BICD1: variants seen among roughly 807,000 people sequenced by gnomAD.
BICD1 encodes BICD cargo adaptor 1.
Under a neutral mutation model 92.5 loss-of-function variants are expected in BICD1, and 35 were observed. The observed-to-expected ratio is 0.38, with a 90% confidence interval of 0.29 to 0.50. BICD1 has a LOEUF of 0.50. Among genes scored for constraint, BICD1 ranks in the 20% least tolerant of loss-of-function variants. The pLI, the probability that BICD1 is intolerant of heterozygous loss-of-function variation, is 0.93. For synonymous variants in BICD1, 429 were observed against 465.1 expected (o/e 0.92, Z 1.00); for missense variants, 950 against 1,189.8 (o/e 0.80, Z 2.97).
intron 2 of BICD1, among the ~76,000 whole-genome samples, chr12:32,222,215 A>G (rs1945553230): frequency 6.6e-6 from 1 of 152,266 alleles, no homozygotes; most frequent in Admixed American, 6.5e-5. Flanking sequence ...AAGATGTCAC[A>G]TAAGATAGGC....
At chr12:32,246,895 A>T (rs1041454627) in intron 2 of BICD1, among the ~76,000 whole-genome samples, 14 of 152,024 alleles carry the variant, frequency 9.2e-5, no homozygotes, top group African/African-American at 3.1e-4. Context: ...CCTCTCATTG[A>T]GAAGCTGGGT....
At position 32,253,483 on chromosome 12, in the gene BICD1, G is replaced by A. The variant is rs1346703256; in HGVS notation, c.426+37024G>A. On this transcript the variant is annotated intron_variant, in intron 2 of 9. Coordinates refer to ENST00000652176, the MANE Select transcript of BICD1 (RefSeq NM_001714.4). ...TGATGATAAGAGCTCAAGAAAGGCC[G>A]TGGATTCTTTTTTTTTTTATTTTTA... 3.3e-5 allele frequency among the ~76,000 whole-genome samples: 5 copies of A among 151,366 alleles called. No individual in the cohort carries two copies. The East Asian group carries it at 5.8e-4, about 18-fold the overall frequency.
intron 4 of BICD1, among the ~76,000 whole-genome samples, chr12:32,317,408 G>C (rs1948533585): frequency 6.6e-6 from 1 of 152,200 alleles, no homozygotes; most frequent in Non-Finnish European, 1.5e-5. Flanking sequence ...TCTAACTGGT[G>C]TGAGATGGTA....
At chr12:32,151,822 CT>C (rs1215515422) in intron 1 of BICD1, among the ~76,000 whole-genome samples, 1 of 152,204 alleles carries the variant, frequency 6.6e-6, no homozygotes, top group Admixed American at 6.5e-5. Flanking sequence ...ACATCTGCTT[CT>C]TTCTTCCCTA....
chr12:32,186,044 C>T (rs1353495538), intron 1 of BICD1, among the ~76,000 whole-genome samples: 1 of 152,204 alleles, frequency 6.6e-6, no homozygotes, highest in East Asian at 1.9e-4. Flanking sequence ...GCCTGTCTCT[C>T]CAAATTGCTG....
At chr12:32,254,375 A>T (rs912153530) in intron 2 of BICD1, among the ~76,000 whole-genome samples, 16 of 152,278 alleles carry the variant, frequency 1.1e-4, no homozygotes, top group Non-Finnish European at 2.2e-4. Flanking sequence ...TCACTGCCAT[A>T]CCCCACCTAC....
intron 2 of BICD1, among the ~76,000 whole-genome samples, chr12:32,222,581 C>G (rs1275594938): frequency 6.6e-6 from 1 of 152,118 alleles, no homozygotes; most frequent in Non-Finnish European, 1.5e-5. Context: ...TTCCCTCTTC[C>G]GAACCCTGCC....
chr12:32,120,684 T>A (rs1224696372), intron 1 of BICD1, among the ~76,000 whole-genome samples: 1 of 152,212 alleles, frequency 6.6e-6, no homozygotes, highest in Non-Finnish European at 1.5e-5. Flanking sequence ...GAGTTTAATC[T>A]TGTACATGAC....
At chr12:32,335,282 C>G (rs911675745) in intron 6 of BICD1, among the ~76,000 whole-genome samples, 2 of 152,006 alleles carry the variant, frequency 1.3e-5, no homozygotes, top group Non-Finnish European at 2.9e-5. Context: ...TCCCGAGTAG[C>G]TGGGAATACA....
chr12:32,158,941 C>CT (rs887839359), intron 1 of BICD1, among the ~76,000 whole-genome samples: 12 of 149,972 alleles, frequency 8.0e-5, no homozygotes, highest in African/African-American at 2.2e-4. Context: ...CGCCATCAAA[C>CT]TTTTTTTTTT....
intron 1 of BICD1, among the ~76,000 whole-genome samples, chr12:32,119,678 C>T (rs1942073399): frequency 1.3e-5 from 2 of 152,302 alleles, no homozygotes; most frequent in Admixed American, 6.5e-5. Context: ...TTGAGACCAG[C>T]CTGACCAACG....
chr12:32,242,757 T>TCTAG (rs1241142792), intron 2 of BICD1, among the ~76,000 whole-genome samples: 1 of 152,198 alleles, frequency 6.6e-6, no homozygotes, highest in Non-Finnish European at 1.5e-5. Flanking sequence ...TGTTTTTAAA[T>TCTAG]CTACTGATCG....
chr12:32,254,504 T>G (rs1390818433), intron 2 of BICD1, among the ~76,000 whole-genome samples: 3 of 152,268 alleles, frequency 2.0e-5, no homozygotes, highest in African/African-American at 7.2e-5. Context: ...TACCACGTTT[T>G]GACATAATCA....
At chr12:32,131,718 A>G (rs559145887) in intron 1 of BICD1, among the ~76,000 whole-genome samples, 2 of 152,208 alleles carry the variant, frequency 1.3e-5, no homozygotes, top group Non-Finnish European at 2.9e-5. Flanking sequence ...AAAATTCCTG[A>G]TCGTAAATAA....
intron 2 of BICD1, among the ~76,000 whole-genome samples, chr12:32,242,463 G>A (rs113143458): frequency 0.069 from 10,476 of 151,962 alleles, 1,246 homozygotes; most frequent in African/African-American, 0.24. Context: ...GGAGGCGGAC[G>A]TTGCAGTGAG....
At position 32,243,264 on chromosome 12, in the gene BICD1, A is replaced by ATTTTTTTTTTTTTTTTTTTTTTTT. The variant is rs71068310; in HGVS notation, c.426+26826_426+26827insTTTTTTTTTTTTTTTTTTTTTTTT. On this transcript the variant is annotated intron_variant, in intron 2 of 9. Coordinates refer to ENST00000652176, the MANE Select transcript of BICD1 (RefSeq NM_001714.4). ...AGGCACGCCCCACCATGCCTGGCTA[A>ATTTTTTTTTTTTTTTTTTTTTTTT]TTTTTTTTTTTTTTTTTTTTTGTAT... 6.5e-4 allele frequency among the ~76,000 whole-genome samples: 48 copies of ATTTTTTTTTTTTTTTTTTTTTTTT among 74,026 alleles called. 2 individuals are homozygous for ATTTTTTTTTTTTTTTTTTTTTTTT. The highest frequency in any genetic ancestry group is 8.5e-4 in the Non-Finnish European group (36 of 42,352). The allele number at this position is 74,026 out of a possible 152,430, so 48.6% of individuals were successfully genotyped here. A position where few individuals can be genotyped will look rare whatever the true frequency, so the allele number is the denominator to read the frequency against.
At chr12:32,254,833 T>C (rs1209324912) in intron 2 of BICD1, among the ~76,000 whole-genome samples, 1 of 152,228 alleles carries the variant, frequency 6.6e-6, no homozygotes, top group Non-Finnish European at 1.5e-5. Flanking sequence ...ACTATTCTCC[T>C]TGTTTAATTA....
At chr12:32,271,536 T>C (rs1467221915) in intron 2 of BICD1, among the ~76,000 whole-genome samples, 1 of 152,178 alleles carries the variant, frequency 6.6e-6, no homozygotes, top group African/African-American at 2.4e-5. Flanking sequence ...ATCCTTAATG[T>C]GGAATGTTAA....
At chr12:32,217,940 G>A (rs569853341) in intron 2 of BICD1, among the ~76,000 whole-genome samples, 37 of 152,314 alleles carry the variant, frequency 2.4e-4, no homozygotes, top group African/African-American at 7.9e-4. Flanking sequence ...CATGGGCAAC[G>A]TGAGGACCGT....
Sources: gnomAD v4.1 joint callset for allele counts (sites outside exome capture counted in the v4.1 genomes callset) on GRCh38, gnomAD v4.1.1 for gene constraint, MANE v1.5 for transcripts, NCBI Gene and HGNC (gene_info 2026-07-23, HGNC 2026-07-21) for gene names.